The following ZSCAN12 variants were observed in gnomAD, a reference collection of about 807,000 sequenced individuals.
The protein encoded by ZSCAN12 is zinc finger and SCAN domain-containing protein 12.
ZSCAN12 carries 18 observed loss-of-function variants against 23.4 expected under a neutral mutation model. That is an observed-to-expected ratio of 0.77 (90% confidence interval 0.53 to 1.14). The LOEUF is 1.14. ZSCAN12 is among the 50% of genes most tolerant of loss of function. The pLI, the probability that ZSCAN12 is intolerant of heterozygous loss-of-function variation, is 0.00. For synonymous variants in ZSCAN12, 186 were observed against 253.4 expected, an observed-to-expected ratio of 0.73 and a Z score of 2.53; for missense variants, 650 against 735.0, an observed-to-expected ratio of 0.88 and a Z score of 1.34.
Position 28,387,225 on chromosome 6 carries a change from T to C in ZSCAN12, c.*3229A>G, listed in dbSNP as rs1473031192. ...TATGGTCCCTTTATAATATTAGGTA[T>C]ATAAGAAAGATTAAGTAGTGTGCAG... On this transcript the variant is annotated 3_prime_UTR_variant, in exon 4 of 4. Transcript: ENST00000684592. Among the ~76,000 whole-genome samples, 1 of 152,140 alleles carries C rather than the reference T, an allele frequency of 6.6e-6. No individual in the cohort carries two copies. The highest frequency in any genetic ancestry group is 1.5e-5 in the Non-Finnish European group (1 of 68,022).
chr6:28,392,885 G>T lies in ZSCAN12; in HGVS notation c.547+17C>A. On this transcript the variant is annotated intron_variant, in intron 3 of 3. Transcript: ENST00000684592. ...CCCATCTTCCCCTTCCTCCCAAGAT[G>T]GGTCTTTCTTCTTTACCTTGCTCCT... 6.4e-7 allele frequency: 1 copy of T among 1,551,494 alleles called. No individual in the cohort carries two copies. The highest frequency in any genetic ancestry group is 8.7e-7 in the Non-Finnish European group (1 of 1,146,894).
In ZSCAN12 at chr6:28,390,551, G is replaced by A. The variant is rs1760761880; in HGVS notation, c.1739C>T (p.Thr580Ile). The change falls in exon 4 of 4, where the codon ACC becomes ATC. Residue 580 changes from threonine (T) to isoleucine (I), a missense_variant. By Grantham distance (89) the Thr-to-Ile change is moderately conservative (BLOSUM62 -1). Coordinates refer to ENST00000684592, the MANE Select transcript of ZSCAN12 (RefSeq NM_001163391.2). The part of the protein sequence containing the change: ...KHQRIHNRRG[T>I]YVCKECGKSF... ...TTTCCCACACTCTTTACATACATAG[G>A]TACCACGTCTATTATGGATTCTCTG... 1 of 1,572,884 alleles carries A rather than the reference G, an allele frequency of 6.4e-7. No homozygotes were observed. The highest frequency in any genetic ancestry group is 8.6e-7 in the Non-Finnish European group (1 of 1,159,200).
chr6:28,399,245 A>C (rs1264847759), intron 1 of ZSCAN12, among the ~76,000 whole-genome samples: 2 of 152,230 alleles, frequency 1.3e-5, no homozygotes, highest in African/African-American at 4.8e-5. Context: ...CTTCATTTAT[A>C]AAGTGAGAAG....
Position 28,390,333 on chromosome 6 carries a change from T to C in ZSCAN12, c.*121A>G. ...GTACAATGGGCAGCACACAGTGAATTCTTATTAAATATCTGAGGTTTCCTT... is the reference window on the plus strand; with the variant it reads ...GTACAATGGGCAGCACACAGTGAATCCTTATTAAATATCTGAGGTTTCCTT... On this transcript the variant is annotated 3_prime_UTR_variant, in exon 4 of 4. Transcript: ENST00000684592. The C allele has an allele frequency of 2.7e-6, 2 of 753,406 alleles. No individual in the cohort carries two copies. Among genetic ancestry groups the C allele is most frequent in the Non-Finnish European group, 4.1e-6 (2 of 493,794 alleles). 46.7% of individuals were successfully genotyped at this position (753,406 alleles called of 1,614,324 possible).
intron 1 of ZSCAN12, among the ~76,000 whole-genome samples, 175 bp from the exon 2 acceptor site, chr6:28,398,648 TGGCTCAC>T (rs983183747): frequency 6.6e-6 from 1 of 151,262 alleles, no homozygotes; most frequent in African/African-American, 2.4e-5. Context: ...CCGGGCACAG[TGGCTCAC>T]GCCTGTAATC....
downstream of ZSCAN12, chr6:28,381,004 C>G (rs956412836): frequency 6.6e-6 from 1 of 152,214 alleles, no homozygotes; most frequent in African/African-American, 2.4e-5. Flanking sequence ...TCTAAACAAG[C>G]ATCTCATTTT....
Position 28,398,207 on chromosome 6 carries a change from G to A in ZSCAN12, c.199C>T (p.Leu67Phe), listed in dbSNP as rs1280971850. ...TSGPREALSR[L>F]RELCHQWLRP... ...AGCCACTGATGGCAAAGTTCTCGGA[G>A]TCGGCTCAAAGCCTCACGGGGACCA... is the stretch of plus-strand genomic sequence containing the variant. The change falls in exon 2 of 4, where the codon CTC becomes TTC. Residue 67 changes from leucine (L) to phenylalanine (F), a missense_variant. Physicochemically the swap from Leu to Phe is conservative, Grantham distance 22 (BLOSUM62 0). Transcript: ENST00000684592. 6.2e-7 allele frequency: 1 copy of A among 1,614,110 alleles called. No individual in the cohort carries two copies. The highest frequency in any genetic ancestry group is 1.1e-5 in the South Asian group (1 of 91,086).
In ZSCAN12 at chr6:28,386,832, A is replaced by T. The variant is rs971449936; in HGVS notation, c.*3622T>A. On this transcript the variant is annotated 3_prime_UTR_variant, in exon 4 of 4. Transcript: ENST00000684592. The stretch of plus-strand genomic sequence containing the variant: ...AACCCCCACGTGTATTTTTATTTTT[A>T]TTTTAATTTTTGTTGAGATGGAGTC... Among the ~76,000 whole-genome samples the T allele has an allele frequency of 1.4e-4, 21 of 151,996 alleles. No individual in the cohort carries two copies. Among genetic ancestry groups the T allele is most frequent in the Admixed American group, 1.4e-3 (21 of 15,252 alleles).
At chr6:28,383,505 C>G (rs935077071), downstream of ZSCAN12, among the ~76,000 whole-genome samples, 4 of 152,084 alleles carry the variant, frequency 2.6e-5, no homozygotes, top group Non-Finnish European at 5.9e-5. Flanking sequence ...CGGCCGAACC[C>G]CGCCCCAGCT....
chr6:28,392,886 G>A lies in ZSCAN12; in HGVS notation c.547+16C>T, dbSNP rs1335829521. On this transcript the variant is annotated intron_variant, in intron 3 of 3. Coordinates refer to ENST00000684592, the MANE Select transcript of ZSCAN12 (RefSeq NM_001163391.2). ...CCATCTTCCCCTTCCTCCCAAGATGGGTCTTTCTTCTTTACCTTGCTCCTG... is the reference window on the plus strand; with the variant it reads ...CCATCTTCCCCTTCCTCCCAAGATGAGTCTTTCTTCTTTACCTTGCTCCTG... 3.2e-6 allele frequency: 5 copies of A among 1,551,590 alleles called. No individual in the cohort carries two copies. In the South Asian group the frequency reaches 6.0e-5, roughly 18 times the overall value.
intron 2 of ZSCAN12, among the ~76,000 whole-genome samples, chr6:28,396,265 C>T (rs1204130549): frequency 6.6e-6 from 1 of 151,514 alleles, no homozygotes; most frequent in African/African-American, 2.4e-5. Flanking sequence ...TCTCAGTGGA[C>T]CAGAACCTAC....
At chr6:28,396,869 G>A (rs12208060) in intron 2 of ZSCAN12, among the ~76,000 whole-genome samples, 373 of 152,214 alleles carry the variant, frequency 2.5e-3, no homozygotes, top group Middle Eastern at 6.8e-3. Flanking sequence ...CCTCCCAAGC[G>A]CTAGGATTAC....
At chr6:28,395,424 A>C (rs1011327888) in intron 2 of ZSCAN12, among the ~76,000 whole-genome samples, 2 of 152,146 alleles carry the variant, frequency 1.3e-5, no homozygotes, top group African/African-American at 4.8e-5. Flanking sequence ...CTAGCTCCAA[A>C]ATATATCCAG....
rs141821653 is a variant in ZSCAN12, at chr6:28,398,419, G to A, written c.-14C>T. ...AGTAGATGCCATTTTAGCTGTGCTA[G>A]AACTACCGGTGTTTCAAGTAAGATC... On this transcript the variant is annotated 5_prime_UTR_variant, in exon 2 of 4. Coordinates refer to ENST00000684592, the MANE Select transcript of ZSCAN12 (RefSeq NM_001163391.2). 29 of 1,523,792 alleles carry A rather than the reference G, an allele frequency of 1.9e-5. No homozygotes were observed. Among genetic ancestry groups the A allele is most frequent in the Non-Finnish European group, 2.6e-5 (29 of 1,131,650 alleles). The allele number at this position is 1,523,792 out of a possible 1,614,324, so 94.4% of individuals were successfully genotyped here. A position where few individuals can be genotyped will look rare whatever the true frequency, so the allele number is the denominator to read the frequency against.
intron 2 of ZSCAN12, among the ~76,000 whole-genome samples, chr6:28,396,019 ATTT>A (rs70983941): frequency 7.6e-6 from 1 of 132,170 alleles, no homozygotes; most frequent in African/African-American, 2.9e-5. Context: ...GTGTTTGTTG[ATTT>A]TTTTTTTTTT....
chr6:28,396,105 G>A (rs376262966), intron 2 of ZSCAN12, among the ~76,000 whole-genome samples: 1 of 149,258 alleles, frequency 6.7e-6, no homozygotes, highest in Non-Finnish European at 1.5e-5. Flanking sequence ...CTGCAGCCTC[G>A]ATCTCCTGGG....
At position 28,390,926 on chromosome 6, in the gene ZSCAN12, C is replaced by T. The variant is rs1175307496; in HGVS notation, c.1364G>A (p.Gly455Asp). ...KECGKSFSQS[G>D]LIQHQRIHTG... ...GTGAATTCTCTGATGCTGAATAAGG[C>T]CACTCTGACTGAAGGATTTCCCACA... The change falls in exon 4 of 4, where the codon GGC (glycine) becomes GAC (aspartate). Residue 455 changes from glycine to aspartate, a missense_variant. Transcript: ENST00000684592. The T allele has an allele frequency of 3.2e-6, 5 of 1,564,446 alleles. No homozygotes were observed. The South Asian group carries it at 5.9e-5, about 18-fold the overall frequency.
At chr6:28,383,537 A>G (rs1251001553), downstream of ZSCAN12, among the ~76,000 whole-genome samples, 1 of 152,096 alleles carries the variant, frequency 6.6e-6, no homozygotes, top group African/African-American at 2.4e-5. Flanking sequence ...GTTCCAGCTG[A>G]GCAGTCAGGT....
Position 28,389,781 on chromosome 6 carries a change from G to C in ZSCAN12, c.*673C>G, listed in dbSNP as rs1016483555. 1.3e-5 allele frequency among the ~76,000 whole-genome samples: 2 copies of C among 152,150 alleles called. No homozygotes were observed. Among genetic ancestry groups the C allele is most frequent in the African/African-American group, 4.8e-5 (2 of 41,418 alleles). ...CAAGAGTATTCTCATTTTTAAAATG[G>C]AGAATGCTTTTGATTTACCAAGGTA... On this transcript the variant is annotated 3_prime_UTR_variant, in exon 4 of 4. Transcript: ENST00000684592.
Sources: gnomAD v4.1 joint callset for allele counts (sites outside exome capture counted in the v4.1 genomes callset) on GRCh38, gnomAD v4.1.1 for gene constraint, MANE v1.5 for transcripts, NCBI Gene and HGNC (gene_info 2026-07-23, HGNC 2026-07-21) for gene names.